The following TULP4 variants were observed in gnomAD, a reference collection of about 807,000 sequenced individuals.
TULP4 encodes the protein TUB like protein 4, also known as tubby-related protein 4.
A neutral mutation model predicts 129.0 loss-of-function variants in TULP4; 16 were observed. The ratio of observed to expected loss-of-function variants is 0.12; its 90% CI spans 0.08 to 0.19. The LOEUF (loss-of-function observed/expected upper bound fraction) is 0.19. Ranked by LOEUF, TULP4 falls within the 10% of genes least tolerant of loss-of-function variation. The pLI, the probability that TULP4 is intolerant of heterozygous loss-of-function variation, is 1.00. For synonymous variants in TULP4, 998 were observed against 854.0 expected (o/e 1.17, Z -2.94); for missense variants, 1,842 against 2,059.1 (o/e 0.89, Z 2.04).
chr6:158,295,485 A>C (rs1289682435), intron 1 of TULP4, among the ~76,000 whole-genome samples: 2 of 151,400 alleles, frequency 1.3e-5, no homozygotes, highest in Admixed American at 6.6e-5. Context: ...TTAAAAAAAA[A>C]ACAAAACTTA....
intron 5 of TULP4, among the ~76,000 whole-genome samples, chr6:158,452,471 G>A (rs553261743): frequency 6.6e-6 from 1 of 152,284 alleles, no homozygotes; most frequent in African/African-American, 2.4e-5. Flanking sequence ...TATCTCAAAG[G>A]GAGATTCCTG....
intron 1 of TULP4, among the ~76,000 whole-genome samples, chr6:158,395,283 G>A (rs1391597257): frequency 6.6e-6 from 1 of 152,058 alleles, no homozygotes; most frequent in African/African-American, 2.4e-5. Context: ...ACTGTCAGTA[G>A]AAGTATGGAA....
At chr6:158,327,713 GT>G (rs1248112789) in intron 1 of TULP4, among the ~76,000 whole-genome samples, 2 of 151,764 alleles carry the variant, frequency 1.3e-5, no homozygotes, top group Non-Finnish European at 2.9e-5. Flanking sequence ...TTTTTTTGAG[GT>G]TTTTTAAAGA....
Position 158,494,833 on chromosome 6 carries a change from C to T in TULP4, c.1857C>T (p.Thr619=). Residue 619 remains threonine, a synonymous_variant, in exon 11 of 14, where the codon ACC becomes ACT. Coordinates refer to ENST00000367097, the MANE Select transcript of TULP4 (RefSeq NM_020245.5). ...TGGGCTTGGCTGCTTTCCTGCCAAC[C>T]AACCTCGGTGCAGGTAAAAATCATG... ...KIVGLAAFLP[T]NLGAVIYKTS... is the part of the protein sequence containing the mutation. 1 of 1,614,054 alleles carries T rather than the reference C, an allele frequency of 6.2e-7. No homozygotes were observed. Among genetic ancestry groups the T allele is most frequent in the South Asian group, 1.1e-5 (1 of 91,064 alleles).
chr6:158,332,183 AAAAAAAAAAAAAAAAAAATATATATATAT>A (rs1261245350), intron 1 of TULP4, among the ~76,000 whole-genome samples: 433 of 41,404 alleles, frequency 0.01, 15 homozygotes, highest in African/African-American at 0.045. Flanking sequence ...AAAAAAAAAA[AAAAAAAAAAAAAAAAAAATATATATATAT>A]ATATATATAT....
chr6:158,411,126 GA>G (rs79023085), intron 1 of TULP4, among the ~76,000 whole-genome samples: 7,027 of 52,158 alleles, frequency 0.13, 162 homozygotes, highest in Middle Eastern at 0.26. Context: ...AGGTAAAAGT[GA>G]AAAAAAAAAA....
At chr6:158,467,943 G>A (rs1243907120) in intron 6 of TULP4, among the ~76,000 whole-genome samples, 51 of 152,174 alleles carry the variant, frequency 3.4e-4, no homozygotes. Flanking sequence ...GAGTTATGTT[G>A]GGGCAGCAAT....
Position 158,321,879 on chromosome 6 carries a change from A to G in TULP4, c.252+7611A>G, listed in dbSNP as rs192733805. ...TAAAGTACTTTTCTTTTTCCTAAAA[A>G]CATTGTATGACACATCTTAATTCCA... On this transcript the variant is annotated intron_variant, in intron 1 of 13. Coordinates refer to ENST00000367097, the MANE Select transcript of TULP4 (RefSeq NM_020245.5). 2.4e-3 allele frequency among the ~76,000 whole-genome samples: 360 copies of G among 152,324 alleles called. 1 individual carries two copies. Among genetic ancestry groups the G allele is most frequent in the Non-Finnish European group, 2.3e-3 (157 of 68,028 alleles).
intron 1 of TULP4, among the ~76,000 whole-genome samples, chr6:158,332,183 AAAAAAAAAAAAAAAAAAAT>A (rs1181642467): frequency 0.021 from 847 of 41,024 alleles, 3 homozygotes; most frequent in Middle Eastern, 0.074. Flanking sequence ...AAAAAAAAAA[AAAAAAAAAAAAAAAAAAAT>A]ATATATATAT....
intron 1 of TULP4, among the ~76,000 whole-genome samples, chr6:158,245,485 C>T (rs1322159295): frequency 6.6e-6 from 1 of 151,904 alleles, no homozygotes; most frequent in Non-Finnish European, 1.5e-5. Context: ...GGTATGTCCT[C>T]TCAGATAGCC....
At chr6:158,351,029 C>G (rs545863266) in intron 1 of TULP4, among the ~76,000 whole-genome samples, 1 of 152,286 alleles carries the variant, frequency 6.6e-6, no homozygotes, top group African/African-American at 2.4e-5. Flanking sequence ...GCTAGTATTA[C>G]AGGCATGAGC....
chr6:158,503,595 C>T lies in TULP4; in HGVS notation c.3932C>T (p.Thr1311Ile). ...TTGGGCACAGAGGTGATGGTAGAGA[C>T]TGCAGACAACTTCCAGGAAGTCCTC... ...SHLGTEVMVETADNFQEVLSL... is the reference protein window; with the variant it reads ...SHLGTEVMVEIADNFQEVLSL... Residue 1311 changes from threonine to isoleucine, a missense_variant, in exon 13 of 14, where the codon ACT becomes ATT. By Grantham distance (89) the Thr-to-Ile change is moderately conservative. Coordinates refer to ENST00000367097, the MANE Select transcript of TULP4 (RefSeq NM_020245.5). The surrounding 1 kb of genome is among the most constrained non-coding windows in gnomAD (Gnocchi z 4.3). 6.2e-7 allele frequency: 1 copy of T among 1,614,080 alleles called. No individual in the cohort carries two copies. The highest frequency in any genetic ancestry group is 8.5e-7 in the Non-Finnish European group (1 of 1,180,036).
chr6:158,369,492 C>T lies in TULP4; in HGVS notation c.253-43573C>T, dbSNP rs116375086. The stretch of plus-strand genomic sequence containing the variant: ...TCATCCTTGGGCAACAGAGTGAGAC[C>T]TGGTCTCAAAATAAAAGGAGGCTTT... On this transcript the variant is annotated intron_variant, in intron 1 of 13. Coordinates refer to ENST00000367097, the MANE Select transcript of TULP4 (RefSeq NM_020245.5). 1.7e-3 allele frequency among the ~76,000 whole-genome samples: 266 copies of T among 152,186 alleles called. 2 individuals are homozygous for T. Among genetic ancestry groups the T allele is most frequent in the African/African-American group, 6.0e-3 (248 of 41,528 alleles).
intron 1 of TULP4, among the ~76,000 whole-genome samples, chr6:158,388,222 A>G (rs1435266596): frequency 6.6e-6 from 1 of 152,116 alleles, no homozygotes; most frequent in Non-Finnish European, 1.5e-5. Context: ...TCTATGCTTA[A>G]CTAGCAAATA....
chr6:158,237,508 G>A, intron 1 of TULP4: 1 of 1,552,078 alleles, frequency 6.4e-7, no homozygotes, highest in Non-Finnish European at 8.9e-7. Context: ...AGTTTTTCTG[G>A]CATCCAGTTC....
intron 1 of TULP4, among the ~76,000 whole-genome samples, chr6:158,252,658 G>A (rs1433942592): frequency 1.3e-5 from 2 of 152,192 alleles, no homozygotes; most frequent in African/African-American, 4.8e-5. Context: ...ACAGGTGTGA[G>A]CCACCGCGCC....
chr6:158,486,194 A>G (rs1780061019), intron 8 of TULP4, among the ~76,000 whole-genome samples: 1 of 152,072 alleles, frequency 6.6e-6, no homozygotes. Context: ...ATGTGACTGT[A>G]TTTGGAGTTA....
chr6:158,459,668 C>T (rs762036709), intron 5 of TULP4, among the ~76,000 whole-genome samples: 3 of 152,118 alleles, frequency 2.0e-5, no homozygotes, highest in Non-Finnish European at 2.9e-5. Flanking sequence ...AAAATAAATA[C>T]AAGAATGGTG....
At chr6:158,417,019 T>G (rs1307340968) in intron 2 of TULP4, among the ~76,000 whole-genome samples, 1 of 152,180 alleles carries the variant, frequency 6.6e-6, no homozygotes, top group African/African-American at 2.4e-5. Flanking sequence ...TGTCCAAGTT[T>G]GAGTAAGTGC....
Sources: allele counts gnomAD v4.1 joint callset (sites outside exome capture counted in the v4.1 genomes callset), GRCh38; gene constraint gnomAD v4.1.1; non-coding constraint Gnocchi (gnomAD v3.1); transcripts MANE v1.5; gene names NCBI Gene and HGNC (gene_info 2026-07-23, HGNC 2026-07-21).